Variants in PLCB1 observed in about 807,000 individuals in gnomAD.
PLCB1 encodes the protein 1-phosphatidylinositol 4,5-bisphosphate phosphodiesterase beta-1.
PLCB1 carries 46 observed loss-of-function variants against 161.8 expected under a neutral mutation model. The ratio of observed to expected loss-of-function variants is 0.28; its 90% CI spans 0.22 to 0.36. The LOEUF (loss-of-function observed/expected upper bound fraction) is 0.36, where lower values mean the gene tolerates loss of function less well. PLCB1 is among the 10% of genes least tolerant of loss of function. The pLI is 1.00. For synonymous variants in PLCB1, 517 were observed against 503.7 expected, an observed-to-expected ratio of 1.03 and a Z score of -0.35; for missense variants, 1,016 against 1,472.5, an observed-to-expected ratio of 0.69 and a Z score of 5.07.
intron 2 of PLCB1, among the ~76,000 whole-genome samples, chr20:8,250,761 T>C (rs1263587852): frequency 6.6e-6 from 1 of 151,962 alleles, no homozygotes; most frequent in Non-Finnish European, 1.5e-5. Context: ...AGAGCCATGA[T>C]GCATTTCATC....
intron 3 of PLCB1, among the ~76,000 whole-genome samples, chr20:8,420,963 G>A (rs60933744): frequency 6.6e-6 from 1 of 152,082 alleles, no homozygotes; most frequent in African/African-American, 2.4e-5. Context: ...AGACCAATTT[G>A]GCAGTCTGAA....
intron 3 of PLCB1, among the ~76,000 whole-genome samples, chr20:8,462,056 A>G (rs949982058): frequency 3.9e-5 from 6 of 151,920 alleles, no homozygotes; most frequent in African/African-American, 1.5e-4. Context: ...ATATATGTAT[A>G]TATGTAAATA....
chr20:8,175,810 AAAAAAAC>A (rs2051777153), intron 2 of PLCB1, among the ~76,000 whole-genome samples: 1 of 152,182 alleles, frequency 6.6e-6, no homozygotes, highest in South Asian at 2.1e-4. Context: ...ATTCACAGGA[AAAAAAAC>A]AAAAAACAAA....
chr20:8,330,437 G>A (rs1406828740), intron 2 of PLCB1, among the ~76,000 whole-genome samples: 1 of 152,186 alleles, frequency 6.6e-6, no homozygotes, highest in Non-Finnish European at 1.5e-5. Flanking sequence ...ATGCTGCATT[G>A]ATAAAATGTG....
At chr20:8,467,024 C>T (rs980743088) in intron 3 of PLCB1, among the ~76,000 whole-genome samples, 2 of 152,174 alleles carry the variant, frequency 1.3e-5, no homozygotes, top group African/African-American at 4.8e-5. Flanking sequence ...ACTGTAACTT[C>T]TGCCTCCTTG....
At chr20:8,797,235 C>T (rs577305608) in intron 31 of PLCB1, among the ~76,000 whole-genome samples, 1 of 152,132 alleles carries the variant, frequency 6.6e-6, no homozygotes, top group Admixed American at 6.5e-5. Context: ...TTCCCCCTCC[C>T]CCCACCGACA....
intron 7 of PLCB1, chr20:8,652,729 C>G (rs1989354810): frequency 6.6e-6 from 1 of 152,160 alleles, no homozygotes; most frequent in Non-Finnish European, 1.5e-5. Context: ...CTTTTTAAAA[C>G]ATGATATTAC....
At chr20:8,606,197 T>G (rs1987753253) in intron 3 of PLCB1, among the ~76,000 whole-genome samples, 1 of 152,228 alleles carries the variant, frequency 6.6e-6, no homozygotes, top group South Asian at 2.1e-4. Flanking sequence ...GTTGTTTACA[T>G]TTAACGCTTT....
chr20:8,509,217 G>A (rs910365727), intron 3 of PLCB1, among the ~76,000 whole-genome samples: 15 of 152,174 alleles, frequency 9.9e-5, no homozygotes, highest in Non-Finnish European at 2.1e-4. Flanking sequence ...GCTTTGTGTT[G>A]TATGCTACAG....
At chr20:8,383,000 G>T (rs1162894823) in intron 3 of PLCB1, among the ~76,000 whole-genome samples, 1 of 152,210 alleles carries the variant, frequency 6.6e-6, no homozygotes, top group African/African-American at 2.4e-5. Context: ...TGAGAAGAAT[G>T]TATATTCTGT....
rs140105101 is a variant in PLCB1, at chr20:8,259,272, G to A, written c.177+108901G>A. 6.3e-3 allele frequency among the ~76,000 whole-genome samples: 959 copies of A among 152,248 alleles called. 4 individuals carry two copies. Among genetic ancestry groups the A allele is most frequent in the African/African-American group, 0.022 (911 of 41,538 alleles). On this transcript the variant is annotated intron_variant, in intron 2 of 31. Transcript: ENST00000338037. ...TAAAATGGTAAAATAATCACTTTGT[G>A]TGTATAGGAGTAGGGTGTGGCAGGG...
intron 23 of PLCB1, among the ~76,000 whole-genome samples, chr20:8,753,762 A>G (rs1981599246): frequency 6.6e-6 from 1 of 152,214 alleles, no homozygotes; most frequent in Non-Finnish European, 1.5e-5. Flanking sequence ...AGTTCACTCA[A>G]AACTTTCATT....
At chr20:8,849,884 A>G (rs539439502) in intron 31 of PLCB1, among the ~76,000 whole-genome samples, 46 of 147,932 alleles carry the variant, frequency 3.1e-4, no homozygotes, top group African/African-American at 1.0e-3. Context: ...ATGCTGGTGC[A>G]GGCCTGTAGT....
chr20:8,682,376 C>T (rs533997567), intron 9 of PLCB1, among the ~76,000 whole-genome samples: 226 of 152,224 alleles, frequency 1.5e-3, no homozygotes, highest in Non-Finnish European at 2.9e-3. Flanking sequence ...GTGGTGCATG[C>T]CTATGGTCCC....
chr20:8,552,203 T>C (rs900245866), intron 3 of PLCB1, among the ~76,000 whole-genome samples: 3 of 152,218 alleles, frequency 2.0e-5, no homozygotes, highest in African/African-American at 7.2e-5. Flanking sequence ...ACTGTTTGAA[T>C]GATTGGTGTG....
chr20:8,302,899 T>C (rs1983973634), intron 2 of PLCB1, among the ~76,000 whole-genome samples: 1 of 152,150 alleles, frequency 6.6e-6, no homozygotes, highest in Non-Finnish European at 1.5e-5. Flanking sequence ...GGGAGGGATC[T>C]TTGAAGATGG....
intron 19 of PLCB1, 46 bp from the exon 20 acceptor site, chr20:8,736,982 G>A (rs1453612416): frequency 7.1e-7 from 1 of 1,413,450 alleles, no homozygotes; most frequent in Admixed American, 1.8e-5. Context: ...TTTGTTATTT[G>A]CATATCAAAA....
chr20:8,480,438 G>A (rs1982454207), intron 3 of PLCB1, among the ~76,000 whole-genome samples: 1 of 152,202 alleles, frequency 6.6e-6, no homozygotes, highest in Admixed American at 6.5e-5. Flanking sequence ...GAGATGTTCT[G>A]AAGAGCGTCA....
At chr20:8,169,592 T>C (rs952925960) in intron 2 of PLCB1, among the ~76,000 whole-genome samples, 9 of 152,098 alleles carry the variant, frequency 5.9e-5, no homozygotes, top group African/African-American at 1.4e-4. Context: ...TTGCACCCAA[T>C]TGGTTGAAAC....
Sources: allele counts gnomAD v4.1 joint callset (sites outside exome capture counted in the v4.1 genomes callset), GRCh38; gene constraint gnomAD v4.1.1; transcripts MANE v1.5; gene names NCBI Gene and HGNC (gene_info 2026-07-23, HGNC 2026-07-21).